The following MIGA1 variants were observed in gnomAD, a reference collection of about 807,000 sequenced individuals.
The protein encoded by MIGA1 is family with sequence similarity 73, member A.
In MIGA1, 58 loss-of-function variants were observed where a neutral mutation model predicts 82.0. That is an observed-to-expected ratio of 0.71 (90% CI 0.57 to 0.88). MIGA1 has a LOEUF of 0.88. Among genes scored for constraint, MIGA1 ranks in the 40% least tolerant of loss-of-function variants. MIGA1 has a pLI of 0.00. For synonymous variants in MIGA1, 249 were observed against 253.6 expected, an observed-to-expected ratio of 0.98 and a Z score of 0.17; for missense variants, 751 against 749.1, an observed-to-expected ratio of 1.00 and a Z score of -0.03.
Position 77,779,653 on chromosome 1 carries a change from T to C in MIGA1, c.-3T>C, listed in dbSNP as rs746883491. ...CTGACCCCGGAAGGACTCCGCCTTC[T>C]CCATGTCAGACTGCTGCTCAGCGCC... On this transcript the variant is annotated 5_prime_UTR_variant, in exon 1 of 16. Coordinates refer to ENST00000370791, the MANE Select transcript of MIGA1 (RefSeq NM_198549.4). 3 of 1,576,758 alleles carry C rather than the reference T, an allele frequency of 1.9e-6. No homozygotes were observed. In the African/African-American group the frequency reaches 4.0e-5, roughly 21 times the overall value.
chr1:77,846,410 C>G (rs1371727407), intron 8 of MIGA1, among the ~76,000 whole-genome samples: 4 of 151,952 alleles, frequency 2.6e-5, no homozygotes, highest in African/African-American at 9.6e-5. Flanking sequence ...GCTGTAGATT[C>G]CATTTTTTAT....
chr1:77,803,414 C>T lies in MIGA1; in HGVS notation c.510+8C>T. 7.1e-7 allele frequency: 1 copy of T among 1,418,266 alleles called. No individual in the cohort carries two copies. 87.9% of individuals were successfully genotyped at this position (1,418,266 alleles called of 1,614,324 possible). A position where few individuals can be genotyped will look rare whatever the true frequency, so the allele number is the denominator to read the frequency against. ...GCACAGAGTTTGGCCTCTGTAAGTA[C>T]AGAAAAAATATTAATTTTTAAAATT... On this transcript the variant is annotated splice_region_variant and intron_variant, in intron 4 of 15. Coordinates refer to ENST00000370791, the MANE Select transcript of MIGA1 (RefSeq NM_198549.4).
At chr1:77,844,940 C>T (rs1026541072) in intron 8 of MIGA1, among the ~76,000 whole-genome samples, 2 of 152,192 alleles carry the variant, frequency 1.3e-5, no homozygotes, top group Non-Finnish European at 2.9e-5. Context: ...CAAGATCGCA[C>T]CACTGCACTG....
chr1:77,798,208 G>T (rs1275740429), intron 2 of MIGA1, among the ~76,000 whole-genome samples: 1 of 152,168 alleles, frequency 6.6e-6, no homozygotes, highest in Non-Finnish European at 1.5e-5. Flanking sequence ...TGAAATCACA[G>T]TGTAGCAGAG....
intron 14 of MIGA1, among the ~76,000 whole-genome samples, chr1:77,869,565 C>G (rs1345335837): frequency 7.3e-6 from 1 of 137,192 alleles, no homozygotes; most frequent in Non-Finnish European, 1.6e-5. Context: ...GCTGGCCGGG[C>G]GGGGGGCTGA....
At chr1:77,830,551 T>C (rs1052079606) in intron 7 of MIGA1, among the ~76,000 whole-genome samples, 2 of 152,136 alleles carry the variant, frequency 1.3e-5, no homozygotes, top group Admixed American at 6.5e-5. Context: ...ATTTCATCTT[T>C]TCACCACATA....
At chr1:77,819,012 G>A (rs143417064) in intron 7 of MIGA1, among the ~76,000 whole-genome samples, 1 of 151,304 alleles carries the variant, frequency 6.6e-6, no homozygotes, top group East Asian at 2.0e-4. Context: ...CCCAGGAGAC[G>A]GAGGTTGCGG....
chr1:77,813,643 AGTGATAAT>A lies in MIGA1; in HGVS notation c.638-88_638-81del. On this transcript the variant is annotated intron_variant, in intron 5 of 15. Coordinates refer to ENST00000370791, the MANE Select transcript of MIGA1 (RefSeq NM_198549.4). ...AGTGTCAAAATTAGACTGTGACATCAGTGATAATGTATGAAAACATTTCAGGCCCCAAT... is the reference window on the plus strand; with the variant it reads ...AGTGTCAAAATTAGACTGTGACATCAGTATGAAAACATTTCAGGCCCCAAT... 3 of 1,317,224 alleles carry A rather than the reference AGTGATAAT, an allele frequency of 2.3e-6. No homozygotes were observed. The Middle Eastern group carries it at 5.8e-4, about 254-fold the overall frequency. 81.6% of individuals were successfully genotyped at this position (1,317,224 alleles called of 1,614,324 possible). A position where few individuals can be genotyped will look rare whatever the true frequency, so the allele number is the denominator to read the frequency against.
chr1:77,866,841 G>A (rs994784744), intron 14 of MIGA1, among the ~76,000 whole-genome samples: 22 of 151,758 alleles, frequency 1.4e-4, no homozygotes, highest in Non-Finnish European at 3.1e-4. Flanking sequence ...CACCACACCC[G>A]GCTAATTTTT....
chr1:77,868,030 C>T (rs893209323), intron 14 of MIGA1, among the ~76,000 whole-genome samples: 1 of 152,134 alleles, frequency 6.6e-6, no homozygotes. Context: ...TGACCATCAG[C>T]TTACCCTCAG....
chr1:77,795,400 TGCAGTG>T (rs964330589), intron 2 of MIGA1, among the ~76,000 whole-genome samples: 3 of 152,004 alleles, frequency 2.0e-5, no homozygotes, highest in African/African-American at 7.2e-5. Context: ...CAGGCAGGAG[TGCAGTG>T]GCACAATCAT....
intron 8 of MIGA1, chr1:77,848,024 G>A: frequency 7.9e-7 from 1 of 1,266,072 alleles, no homozygotes; most frequent in Non-Finnish European, 1.2e-6. Flanking sequence ...AAGAAAGAGG[G>A]CACAGTGCCA....
chr1:77,866,526 G>A (rs1685675065), intron 14 of MIGA1, 135 bp downstream of exon 14: 2 of 758,696 alleles, frequency 2.6e-6, no homozygotes, highest in Admixed American at 2.2e-5. Context: ...GGCTAGATGA[G>A]TGACTTACTG....
intron 7 of MIGA1, among the ~76,000 whole-genome samples, chr1:77,841,833 C>G (rs1369428303): frequency 6.7e-6 from 1 of 149,514 alleles, no homozygotes; most frequent in Non-Finnish European, 1.5e-5. Context: ...AGGTCTCACT[C>G]TGACATCCAG....
At chr1:77,806,055 A>T (rs748912633) in intron 4 of MIGA1, among the ~76,000 whole-genome samples, 100 of 152,208 alleles carry the variant, frequency 6.6e-4, no homozygotes, top group Non-Finnish European at 1.2e-3. Flanking sequence ...CATAGTTGCC[A>T]GTATTTTTAT....
chr1:77,784,743 C>T (rs994497469), intron 2 of MIGA1, among the ~76,000 whole-genome samples: 4 of 152,278 alleles, frequency 2.6e-5, no homozygotes, highest in Middle Eastern at 3.4e-3. Context: ...ATACCCAAGA[C>T]TGGGCAATTT....
chr1:77,797,965 A>T (rs1322703066), intron 2 of MIGA1, among the ~76,000 whole-genome samples: 1 of 152,130 alleles, frequency 6.6e-6, no homozygotes, highest in Non-Finnish European at 1.5e-5. Context: ...ACTGGCTAGT[A>T]CTTCTAATAC....
chr1:77,869,657 G>C (rs1278604157), intron 14 of MIGA1, among the ~76,000 whole-genome samples: 1 of 133,004 alleles, frequency 7.5e-6, no homozygotes, highest in South Asian at 2.6e-4. Context: ...GGGCAGAGGC[G>C]CCCCTCACCT....
intron 8 of MIGA1, among the ~76,000 whole-genome samples, chr1:77,843,638 T>G (rs1227007234): frequency 6.6e-6 from 1 of 152,232 alleles, no homozygotes; most frequent in Non-Finnish European, 1.5e-5. Flanking sequence ...GGCACTTTCA[T>G]ATACTGTAGA....
Sources: allele counts gnomAD v4.1 joint callset (sites outside exome capture counted in the v4.1 genomes callset), GRCh38; gene constraint gnomAD v4.1.1; transcripts MANE v1.5; gene names NCBI Gene and HGNC (gene_info 2026-07-23, HGNC 2026-07-21).